LPAR1: variants seen among roughly 807,000 people sequenced by gnomAD.
LPAR1 encodes lysophosphatidic acid receptor 1, also known as LPA receptor 1.
In LPAR1, 5 loss-of-function variants were observed where a neutral mutation model predicts 23.8. That is an observed-to-expected ratio of 0.21 (90% confidence interval 0.11 to 0.44). The LOEUF (loss-of-function observed/expected upper bound fraction) is 0.44, where lower values mean the gene tolerates loss of function less well. Among genes scored for constraint, LPAR1 ranks in the 20% least tolerant of loss-of-function variants. The pLI, the probability that LPAR1 is intolerant of heterozygous loss-of-function variation, is 0.99. For missense variants in LPAR1, 311 were observed against 482.8 expected, an observed-to-expected ratio of 0.64 and a Z score of 3.33; for synonymous variants, 160 against 164.7, an observed-to-expected ratio of 0.97 and a Z score of 0.22.
At chr9:111,015,689 A>G (rs141377270) in intron 2 of LPAR1, among the ~76,000 whole-genome samples, 7 of 152,310 alleles carry the variant, frequency 4.6e-5, no homozygotes, top group Admixed American at 6.5e-5. Flanking sequence ...ATATTTCAAA[A>G]TAAGAGTAAA....
intron 2 of LPAR1, among the ~76,000 whole-genome samples, chr9:111,004,510 G>A (rs1197303035): frequency 1.3e-5 from 2 of 152,052 alleles, no homozygotes; most frequent in African/African-American, 2.4e-5. Flanking sequence ...TAAGATCACT[G>A]ACCTCTAAAA....
chr9:110,882,075 T>C (rs2081023458), intron 5 of LPAR1, among the ~76,000 whole-genome samples: 1 of 152,218 alleles, frequency 6.6e-6, no homozygotes, highest in Non-Finnish European at 1.5e-5. Context: ...AAAAAGGCTA[T>C]CCTTGGTTAT....
intron 4 of LPAR1, among the ~76,000 whole-genome samples, chr9:110,945,019 T>A (rs969776911): frequency 6.6e-6 from 1 of 152,014 alleles, no homozygotes; most frequent in Non-Finnish European, 1.5e-5. Context: ...ATTGGGAGGG[T>A]ATAATATGCC....
rs539482584 is a variant in LPAR1 at position 110,930,254 on chromosome 9, C to T, written c.793+11167G>A. On this transcript the variant is annotated intron_variant, in intron 5 of 5. Coordinates refer to ENST00000683809, the MANE Select transcript of LPAR1 (RefSeq NM_001351411.2). Reference sequence around the variant, plus strand: ...CCTTTCCACCGGACGTGGTGGCTCACGCCTGTAATCCAGCACTTTGGGAGG... The same window carrying T: ...CCTTTCCACCGGACGTGGTGGCTCATGCCTGTAATCCAGCACTTTGGGAGG... Among the ~76,000 whole-genome samples, 6 of 152,284 alleles carry T rather than the reference C, an allele frequency of 3.9e-5. No individual in the cohort carries two copies. The South Asian group carries it at 8.3e-4, about 21-fold the overall frequency.
intron 2 of LPAR1, among the ~76,000 whole-genome samples, chr9:110,986,643 G>GA (rs1162996518): frequency 4.6e-5 from 7 of 151,122 alleles, no homozygotes; most frequent in African/African-American, 1.7e-4. Flanking sequence ...TATATGAAGT[G>GA]AAGGGAAGAA....
chr9:110,972,211 A>G lies in LPAR1; in HGVS notation c.-94T>C. On this transcript the variant is annotated 5_prime_UTR_variant, in exon 4 of 6. Coordinates refer to ENST00000683809, the MANE Select transcript of LPAR1 (RefSeq NM_001351411.2). ...ATCAGATCGAAGTCATGCTAGGAGA[A>G]GCTGTGTACCTGGAAAACAACAGGA... The G allele has an allele frequency of 9.0e-7, 1 of 1,111,328 alleles. No individual in the cohort carries two copies. Among genetic ancestry groups the G allele is most frequent in the Non-Finnish European group, 1.4e-6 (1 of 727,448 alleles). 68.8% of individuals were successfully genotyped at this position (1,111,328 alleles called of 1,614,324 possible).
chr9:110,946,078 T>C (rs2095366675), intron 4 of LPAR1, among the ~76,000 whole-genome samples: 1 of 152,110 alleles, frequency 6.6e-6, no homozygotes, highest in Admixed American at 6.5e-5. Context: ...AATTTCTGTA[T>C]TAAAAATGGC....
chr9:111,029,004 T>G (rs1312732105), intron 2 of LPAR1, among the ~76,000 whole-genome samples: 2 of 152,054 alleles, frequency 1.3e-5, no homozygotes, highest in Non-Finnish European at 2.9e-5. Flanking sequence ...CCTTCCTATC[T>G]CCCCAGGACC....
At chr9:110,970,322 G>T (rs936721353) in intron 4 of LPAR1, among the ~76,000 whole-genome samples, 1 of 152,136 alleles carries the variant, frequency 6.6e-6, no homozygotes, top group African/African-American at 2.4e-5. Context: ...TTGAAATGGT[G>T]ACCTCAGGTA....
chr9:110,930,168 C>CT (rs2094312126), intron 5 of LPAR1, among the ~76,000 whole-genome samples: 3 of 152,194 alleles, frequency 2.0e-5, no homozygotes, highest in African/African-American at 7.2e-5. Flanking sequence ...AACACATACA[C>CT]GTCACTGTCA....
At chr9:110,901,323 C>T (rs2088872919) in intron 5 of LPAR1, among the ~76,000 whole-genome samples, 1 of 152,172 alleles carries the variant, frequency 6.6e-6, no homozygotes, top group African/African-American at 2.4e-5. Context: ...TTTAACTCTT[C>T]CTCCACGTTC....
chr9:110,895,158 A>T (rs983374432), intron 5 of LPAR1, among the ~76,000 whole-genome samples: 1 of 152,218 alleles, frequency 6.6e-6, no homozygotes. Context: ...CTTCAAGTAG[A>T]GGGGAACAAT....
intron 2 of LPAR1, among the ~76,000 whole-genome samples, chr9:110,977,859 GGAA>G (rs1564228340): frequency 9.4e-4 from 105 of 111,588 alleles, no homozygotes; most frequent in African/African-American, 3.8e-3. Flanking sequence ...AAGGAAGGAA[GGAA>G]GGAAGGAAGG....
chr9:110,945,887 C>T (rs941620188), intron 4 of LPAR1, among the ~76,000 whole-genome samples: 4 of 152,078 alleles, frequency 2.6e-5, no homozygotes, highest in Non-Finnish European at 4.4e-5. Flanking sequence ...ATTTGATGAC[C>T]CCTGTGATTA....
rs1487328151 is a variant in LPAR1 at position 110,874,204 on chromosome 9, A to G, written c.*1217T>C. 6.6e-6 allele frequency: 1 copy of G among 152,656 alleles called. No individual in the cohort carries two copies. Among genetic ancestry groups the G allele is most frequent in the Admixed American group, 6.5e-5 (1 of 15,274 alleles). The allele number at this position is 152,656 out of a possible 1,614,324, so 9.5% of individuals were successfully genotyped here. Reference sequence around the variant, plus strand: ...ACCAAATTTCTGCAACTTTATAATAATGAAAATTAGAAACAACCTAAATAG... The same window carrying G: ...ACCAAATTTCTGCAACTTTATAATAGTGAAAATTAGAAACAACCTAAATAG... On this transcript the variant is annotated 3_prime_UTR_variant, in exon 6 of 6. Coordinates refer to ENST00000683809, the MANE Select transcript of LPAR1 (RefSeq NM_001351411.2).
chr9:110,931,842 C>T (rs147249682), intron 5 of LPAR1, among the ~76,000 whole-genome samples: 3,209 of 152,112 alleles, frequency 0.021, 31 homozygotes, highest in African/African-American at 0.071. Context: ...AGATATGTGG[C>T]ATTATTTCTG....
intron 5 of LPAR1, among the ~76,000 whole-genome samples, chr9:110,920,269 T>A (rs1356659030): frequency 1.3e-5 from 2 of 152,212 alleles, no homozygotes; most frequent in African/African-American, 4.8e-5. Flanking sequence ...GGAAAGTTTG[T>A]CTCTTTTTCT....
At position 111,011,710 on chromosome 9, in the gene LPAR1, C is replaced by T. The variant is rs564669673; in HGVS notation, c.-182+24412G>A. 4.6e-5 allele frequency among the ~76,000 whole-genome samples: 7 copies of T among 152,224 alleles called. 1 individual carries two copies. The South Asian group carries it at 1.5e-3, about 32-fold the overall frequency. ...TGACACCTAAAACACAATATAGTAC[C>T]CTTGCTGGCTAGTTCTGACCAGTCC... On this transcript the variant is annotated intron_variant, in intron 2 of 5. Coordinates refer to ENST00000683809, the MANE Select transcript of LPAR1 (RefSeq NM_001351411.2).
intron 5 of LPAR1, among the ~76,000 whole-genome samples, chr9:110,905,386 C>T (rs865833188): frequency 6.7e-5 from 10 of 148,242 alleles, no homozygotes; most frequent in South Asian, 2.1e-4. Flanking sequence ...CGCTCTATTA[C>T]GCAGGCTGGA....
Sources: gnomAD v4.1 joint callset for allele counts (sites outside exome capture counted in the v4.1 genomes callset) on GRCh38, gnomAD v4.1.1 for gene constraint, MANE v1.5 for transcripts, NCBI Gene and HGNC (gene_info 2026-07-23, HGNC 2026-07-21) for gene names.